The following PCSK2 variants were observed in gnomAD, a reference collection of about 807,000 sequenced individuals.
PCSK2 encodes the protein neuroendocrine convertase 2.
A neutral mutation model predicts 69.7 loss-of-function variants in PCSK2; 14 were observed. The observed-to-expected ratio is 0.20, with a 90% CI of 0.13 to 0.31. PCSK2 has a LOEUF of 0.31. Ranked by LOEUF, PCSK2 falls within the 10% of genes least tolerant of loss-of-function variation. The probability of loss-of-function intolerance (pLI) is 1.00; values close to 1 mark genes in which losing one functional copy is unlikely to be tolerated. For missense variants in PCSK2, 544 were observed against 842.5 expected (o/e 0.65, Z 4.39); for synonymous variants, 307 against 320.7 (o/e 0.96, Z 0.46).
intron 2 of PCSK2, among the ~76,000 whole-genome samples, chr20:17,332,659 A>G (rs866852879): frequency 2.2e-4 from 34 of 152,104 alleles, no homozygotes; most frequent in African/African-American, 7.5e-4. Flanking sequence ...GGGGCCCAGC[A>G]ATTTTTGTTT....
intron 2 of PCSK2, among the ~76,000 whole-genome samples, chr20:17,326,471 A>G (rs1443813031): frequency 6.6e-6 from 1 of 152,222 alleles, no homozygotes; most frequent in African/African-American, 2.4e-5. Context: ...TCTGAATAAC[A>G]TATGGGCTTT....
Position 17,317,412 on chromosome 20 carries a change from T to C in PCSK2, c.283-40915T>C, listed in dbSNP as rs1340904538. Among the ~76,000 whole-genome samples, 3 of 152,224 alleles carry C rather than the reference T, an allele frequency of 2.0e-5. No individual in the cohort carries two copies. The East Asian group carries it at 5.8e-4, about 29-fold the overall frequency. On this transcript the variant is annotated intron_variant, in intron 2 of 11. Transcript: ENST00000262545. ...GCTCCTTCCAGACCCAGTTGACCCA[T>C]CTTTTCTTTCCTTTTCTCACTGGAG...
At chr20:17,444,871 T>G (rs953208071) in intron 8 of PCSK2, among the ~76,000 whole-genome samples, 1 of 152,242 alleles carries the variant, frequency 6.6e-6, no homozygotes, top group African/African-American at 2.4e-5. Flanking sequence ...ATGAGGTTTG[T>G]TCCCAAAACC....
At chr20:17,359,008 G>A (rs190560304) in intron 3 of PCSK2, among the ~76,000 whole-genome samples, 1 of 152,328 alleles carries the variant, frequency 6.6e-6, no homozygotes, top group Admixed American at 6.5e-5. Flanking sequence ...TGAGCATTTT[G>A]TGGGTCACCA....
chr20:17,305,795 A>G (rs767357053), intron 2 of PCSK2, among the ~76,000 whole-genome samples: 6 of 152,270 alleles, frequency 3.9e-5, no homozygotes, highest in Non-Finnish European at 8.8e-5. Context: ...TTTGCTGAAT[A>G]AATAAATGAA....
chr20:17,442,395 T>A lies in PCSK2; in HGVS notation c.885+5512T>A, dbSNP rs13039651. Among the ~76,000 whole-genome samples the A allele has an allele frequency of 4.0e-5, 6 of 151,774 alleles. No individual in the cohort carries two copies. In the East Asian group the frequency reaches 5.9e-4, roughly 15 times the overall value. On this transcript the variant is annotated intron_variant, in intron 8 of 11. Coordinates refer to ENST00000262545, the MANE Select transcript of PCSK2 (RefSeq NM_002594.5). ...TTTGGTCCTTTGGTTGTGGTCCTTC[T>A]GTAGCAGCCCTGGCAAACTAATGCA...
chr20:17,346,386 A>G (rs1245316875), intron 2 of PCSK2, among the ~76,000 whole-genome samples: 1 of 152,106 alleles, frequency 6.6e-6, no homozygotes, highest in Non-Finnish European at 1.5e-5. Context: ...AGAGGGACAG[A>G]GACTTCTCCT....
In PCSK2 at chr20:17,417,717, G is replaced by A. The variant is rs114254729; in HGVS notation, c.620+8378G>A. 3.9e-3 allele frequency among the ~76,000 whole-genome samples: 586 copies of A among 152,194 alleles called. 5 individuals are homozygous for A. Among genetic ancestry groups the A allele is most frequent in the African/African-American group, 0.014 (574 of 41,506 alleles). The stretch of plus-strand genomic sequence containing the variant: ...TAAAGCGTCCCTTCCATGAGTGTAC[G>A]ATATGTTTATTTCAAAACCCCTCTG... On this transcript the variant is annotated intron_variant, in intron 6 of 11. Transcript: ENST00000262545.
chr20:17,283,121 C>T (rs898443481), intron 2 of PCSK2, among the ~76,000 whole-genome samples: 13 of 152,082 alleles, frequency 8.5e-5, no homozygotes, highest in Admixed American at 2.0e-4. Context: ...TCACCTCAAA[C>T]ACTACATTCA....
intron 5 of PCSK2, among the ~76,000 whole-genome samples, chr20:17,375,556 C>G (rs1426404947): frequency 6.6e-6 from 1 of 152,154 alleles, no homozygotes; most frequent in African/African-American, 2.4e-5. Flanking sequence ...GAGGGTTAAT[C>G]CCTAAGGTGG....
At chr20:17,301,660 C>T (rs956327085) in intron 2 of PCSK2, among the ~76,000 whole-genome samples, 6 of 152,208 alleles carry the variant, frequency 3.9e-5, no homozygotes, top group East Asian at 3.9e-4. Flanking sequence ...TGACCAGGCA[C>T]GGTGGCTCAC....
At position 17,453,634 on chromosome 20, in the gene PCSK2, T is replaced by G; in HGVS notation, c.886-108T>G. On this transcript the variant is annotated intron_variant, in intron 8 of 11. Coordinates refer to ENST00000262545, the MANE Select transcript of PCSK2 (RefSeq NM_002594.5). This position sits in a 1 kb window ranked among gnomAD's most constrained non-coding sequence, Gnocchi z 4.0. ...AACCCAGTTTAAAAAGTGCACCCAG[T>G]CTTTAGGTTCAACTGCTGAAGAAGC... 8.6e-7 allele frequency: 1 copy of G among 1,167,592 alleles called. No homozygotes were observed. Among genetic ancestry groups the G allele is most frequent in the South Asian group, 1.4e-5 (1 of 71,744 alleles). 72.3% of individuals were successfully genotyped at this position (1,167,592 alleles called of 1,614,324 possible).
intron 5 of PCSK2, among the ~76,000 whole-genome samples, chr20:17,400,314 T>G (rs896005667): frequency 2.6e-5 from 4 of 152,212 alleles, no homozygotes; most frequent in Admixed American, 6.5e-5. Flanking sequence ...AAAAGCAAGA[T>G]TGCACACTTA....
rs537883580 is a variant in PCSK2 at position 17,232,760 on chromosome 20, TC to T, written c.177+5279del. On this transcript the variant is annotated intron_variant, in intron 1 of 11. Transcript: ENST00000262545. ...ATTTCCACATCCCCTATCCCAAAGT[TC>T]TTTAGATCAAAATTGACAATATTTG... Among the ~76,000 whole-genome samples the T allele has an allele frequency of 1.5e-3, 235 of 152,308 alleles. 1 individual carries two copies. The highest frequency in any genetic ancestry group is 5.6e-3 in the African/African-American group (231 of 41,576).
chr20:17,329,832 A>C (rs1264295279), intron 2 of PCSK2, among the ~76,000 whole-genome samples: 1 of 152,236 alleles, frequency 6.6e-6, no homozygotes, highest in Non-Finnish European at 1.5e-5. Flanking sequence ...AAGTATATGA[A>C]GGAAAAACAG....
chr20:17,325,533 C>T (rs1568603810), intron 2 of PCSK2, among the ~76,000 whole-genome samples: 1 of 152,196 alleles, frequency 6.6e-6, no homozygotes, highest in Non-Finnish European at 1.5e-5. Context: ...ATAAAGCCTT[C>T]CATCTACTCA....
chr20:17,349,690 G>A (rs2029915206), intron 2 of PCSK2, among the ~76,000 whole-genome samples: 1 of 152,116 alleles, frequency 6.6e-6, no homozygotes, highest in South Asian at 2.1e-4. Context: ...TATAATAAAG[G>A]CAAGGTATCT....
rs1491139276 is a variant in PCSK2 at position 17,353,460 on chromosome 20, T to TGA, written c.283-4867_283-4866insGA. Among the ~76,000 whole-genome samples, 3 of 34,338 alleles carry TGA rather than the reference T, an allele frequency of 8.7e-5. No homozygotes were observed. The Admixed American group carries it at 1.5e-3, about 18-fold the overall frequency. 22.5% of individuals were successfully genotyped at this position (34,338 alleles called of 152,430 possible). ...AGCCTGGTGACAGAGCAAGACTCCA[T>TGA]CACACAAAAAAAAAAAAAAAGTCAA... On this transcript the variant is annotated intron_variant, in intron 2 of 11. Coordinates refer to ENST00000262545, the MANE Select transcript of PCSK2 (RefSeq NM_002594.5).
chr20:17,477,815 G>A (rs2033318414), intron 11 of PCSK2, among the ~76,000 whole-genome samples: 1 of 152,086 alleles, frequency 6.6e-6, no homozygotes, highest in African/African-American at 2.4e-5. Flanking sequence ...TTGTGTGCAG[G>A]GTTAAGTAGC....
Sources: gnomAD v4.1 joint callset for allele counts (sites outside exome capture counted in the v4.1 genomes callset) on GRCh38, gnomAD v4.1.1 for gene constraint, Gnocchi (gnomAD v3.1) non-coding constraint, MANE v1.5 for transcripts, NCBI Gene and HGNC (gene_info 2026-07-23, HGNC 2026-07-21) for gene names.